NBAS: variants seen among roughly 807,000 people sequenced by gnomAD.
NBAS encodes the protein NAG/BC035112 fusion.
In NBAS, 219 loss-of-function variants were observed where a neutral mutation model predicts 302.5. The ratio of observed to expected loss-of-function variants is 0.72; its 90% CI spans 0.65 to 0.81. The LOEUF (loss-of-function observed/expected upper bound fraction) is 0.81. NBAS is among the 30% of genes least tolerant of loss of function. The pLI, the probability that NBAS is intolerant of heterozygous loss-of-function variation, is 0.00. For synonymous variants in NBAS, 1,118 were observed against 1,021.6 expected, an observed-to-expected ratio of 1.09 and a Z score of -1.80; for missense variants, 2,932 against 2,841.6, an observed-to-expected ratio of 1.03 and a Z score of -0.72.
At chr2:15,359,774 T>C (rs551595282) in intron 32 of NBAS, among the ~76,000 whole-genome samples, 3 of 152,306 alleles carry the variant, frequency 2.0e-5, no homozygotes, top group South Asian at 4.1e-4. Flanking sequence ...GGTTGGTTCA[T>C]AGTTGGATGC....
chr2:15,059,268 T>C, the NBAS span, among the ~76,000 whole-genome samples: 1 of 152,364 alleles, frequency 6.6e-6, no homozygotes, highest in East Asian at 1.9e-4. Flanking sequence ...TACTGTCTCA[T>C]AGCCTTAGGG....
chr2:15,436,954 T>A (rs1346013768), intron 21 of NBAS, among the ~76,000 whole-genome samples: 1 of 152,184 alleles, frequency 6.6e-6, no homozygotes, highest in South Asian at 2.1e-4. Flanking sequence ...GATGATTATG[T>A]ATAAATAAAT....
At chr2:15,029,735 G>C in the NBAS span, among the ~76,000 whole-genome samples, 10 of 152,310 alleles carry the variant, frequency 6.6e-5, no homozygotes, top group East Asian at 1.9e-3. Flanking sequence ...CCCCATCAAA[G>C]TCACAGAGCT....
At chr2:15,550,571 G>A (rs780821390) in intron 6 of NBAS, among the ~76,000 whole-genome samples, 1 of 149,182 alleles carries the variant, frequency 6.7e-6, no homozygotes, top group Non-Finnish European at 1.5e-5. Flanking sequence ...CTCCTGTAAG[G>A]TTCCTTCTTT....
At chr2:15,218,701 T>C (rs970953260) in intron 48 of NBAS, 72 bp downstream of exon 48, 82 of 1,599,002 alleles carry the variant, frequency 5.1e-5, no homozygotes, top group Non-Finnish European at 6.2e-5. Flanking sequence ...ATGCTGGGAT[T>C]ACAGGCGTGA....
chr2:15,119,216 T>A, the NBAS span, among the ~76,000 whole-genome samples: 2 of 152,118 alleles, frequency 1.3e-5, no homozygotes, highest in Non-Finnish European at 2.9e-5. Context: ...GGATCTGCTA[T>A]GTGCCAGAGT....
Position 15,192,386 on chromosome 2 carries a change from T to C in NBAS, c.6433-1983A>G, listed in dbSNP as rs181753525. ...AGTGAATGAATGAATTTGTCACTTA[T>C]AAAATAATTTAGTATAAATTATATT... On this transcript the variant is annotated intron_variant, in intron 48 of 51. Coordinates refer to ENST00000281513, the MANE Select transcript of NBAS (RefSeq NM_015909.4). Among the ~76,000 whole-genome samples the C allele has an allele frequency of 4.0e-3, 612 of 152,234 alleles. 15 individuals are homozygous for C. Among genetic ancestry groups the C allele is most frequent in the Admixed American group, 0.035 (543 of 15,296 alleles).
intron 5 of NBAS, among the ~76,000 whole-genome samples, chr2:15,552,172 T>C (rs1377791080): frequency 6.6e-6 from 1 of 152,210 alleles, no homozygotes; most frequent in African/African-American, 2.4e-5. Context: ...CAATTCTATT[T>C]CTATAAAGTT....
chr2:15,446,064 A>T (rs76546088), intron 21 of NBAS, among the ~76,000 whole-genome samples: 1,926 of 152,100 alleles, frequency 0.013, 31 homozygotes, highest in East Asian at 0.059. Context: ...CATGGTCAAC[A>T]TACATATAAT....
At chr2:14,917,115 C>T in the NBAS span, among the ~76,000 whole-genome samples, 8 of 152,292 alleles carry the variant, frequency 5.3e-5, no homozygotes, top group East Asian at 3.9e-4. Flanking sequence ...TTCCTCAAAA[C>T]GTAGCAGCTT....
intron 35 of NBAS, among the ~76,000 whole-genome samples, chr2:15,339,602 C>T (rs931025901): frequency 6.6e-6 from 1 of 152,106 alleles, no homozygotes; most frequent in African/African-American, 2.4e-5. Context: ...AAAGAACTTA[C>T]AATCCAGTAA....
At chr2:15,424,228 T>C in intron 23 of NBAS, 87 bp downstream of exon 23, 1 of 1,450,382 alleles carries the variant, frequency 6.9e-7, no homozygotes, top group Non-Finnish European at 9.7e-7. Context: ...CCTGCACTGC[T>C]GTCAGCCCCG....
chr2:15,344,010 A>C (rs1162417611), intron 35 of NBAS, among the ~76,000 whole-genome samples: 1 of 151,694 alleles, frequency 6.6e-6, no homozygotes, highest in Non-Finnish European at 1.5e-5. Context: ...AAAAAACAAA[A>C]CAAAATAAAA....
the NBAS span, among the ~76,000 whole-genome samples, chr2:15,074,140 A>G: frequency 3.3e-5 from 5 of 152,186 alleles, no homozygotes; most frequent in Non-Finnish European, 7.3e-5. Context: ...AAAAACTCAA[A>G]CATACATTCA....
chr2:15,404,535 C>CAA (rs2148435643), intron 25 of NBAS, among the ~76,000 whole-genome samples: 1 of 149,572 alleles, frequency 6.7e-6, no homozygotes, highest in Non-Finnish European at 1.5e-5. Flanking sequence ...TATTTTGAGA[C>CAA]AGAGTCTCGC....
chr2:15,070,545 C>A, the NBAS span, among the ~76,000 whole-genome samples: 90,366 of 151,528 alleles, frequency 0.6, 27,377 homozygotes, highest in Admixed American at 0.69. Context: ...AGTCCTACCC[C>A]TTGGTCTCGG....
chr2:15,217,136 G>C (rs1666689712), intron 48 of NBAS, among the ~76,000 whole-genome samples: 1 of 152,148 alleles, frequency 6.6e-6, no homozygotes, highest in South Asian at 2.1e-4. Context: ...TCCCTAGCCT[G>C]CTCTTTAAAA....
the NBAS span, among the ~76,000 whole-genome samples, chr2:14,787,389 G>C: frequency 6.6e-6 from 1 of 152,198 alleles, no homozygotes; most frequent in South Asian, 2.1e-4. Flanking sequence ...TATTTTGCTC[G>C]TTAGTTGATG....
chr2:15,148,063 G>C, the NBAS span, among the ~76,000 whole-genome samples: 1 of 152,170 alleles, frequency 6.6e-6, no homozygotes, highest in Non-Finnish European at 1.5e-5. Context: ...GTTGGAAAGA[G>C]GGATACAGAG....
Sources: gnomAD v4.1 joint callset for allele counts (sites outside exome capture counted in the v4.1 genomes callset) on GRCh38, gnomAD v4.1.1 for gene constraint, MANE v1.5 for transcripts, NCBI Gene and HGNC (gene_info 2026-07-23, HGNC 2026-07-21) for gene names.